Variants in ADAMTSL1 observed in about 807,000 individuals in gnomAD.
The protein encoded by ADAMTSL1 is ADAMTS like 1.
A neutral mutation model predicts 201.8 loss-of-function variants in ADAMTSL1; 126 were observed. That is an observed-to-expected ratio of 0.62 (90% CI 0.54 to 0.72). The LOEUF (loss-of-function observed/expected upper bound fraction) is 0.72. Among genes scored for constraint, ADAMTSL1 ranks in the 30% least tolerant of loss-of-function variants. ADAMTSL1 has a pLI of 0.00. For synonymous variants in ADAMTSL1, 1,121 were observed against 903.4 expected (o/e 1.24, Z -4.32); for missense variants, 2,679 against 2,277.8 (o/e 1.18, Z -3.59).
intron 2 of ADAMTSL1, among the ~76,000 whole-genome samples, chr9:18,320,577 T>C (rs1834578438): frequency 6.6e-6 from 1 of 152,222 alleles, no homozygotes; most frequent in African/African-American, 2.4e-5. Context: ...GAAGAAATTA[T>C]AAATAAGAGG....
intron 7 of ADAMTSL1, among the ~76,000 whole-genome samples, chr9:18,645,694 G>C (rs1827761259): frequency 1.3e-5 from 2 of 149,912 alleles, no homozygotes; most frequent in African/African-American, 4.9e-5. Flanking sequence ...AGATCAGATA[G>C]TTGTAGATAT....
At chr9:18,830,659 A>G (rs572339716) in intron 23 of ADAMTSL1, among the ~76,000 whole-genome samples, 24 of 151,906 alleles carry the variant, frequency 1.6e-4, no homozygotes, top group Non-Finnish European at 2.9e-4. Flanking sequence ...TGCCGGAAAA[A>G]CCTTCACACA....
At chr9:18,278,949 G>C (rs535463053) in intron 2 of ADAMTSL1, among the ~76,000 whole-genome samples, 2 of 151,822 alleles carry the variant, frequency 1.3e-5, no homozygotes, top group Non-Finnish European at 2.9e-5. Flanking sequence ...CAAGTCTGCT[G>C]TTAAAGCTCT....
intron 1 of ADAMTSL1, among the ~76,000 whole-genome samples, chr9:18,050,985 CACTTT>C (rs1821907528): frequency 6.6e-6 from 1 of 152,222 alleles, no homozygotes. Context: ...TCAGTGCAAT[CACTTT>C]ACTTAGTCCT....
Position 18,290,790 on chromosome 9 carries a change from T to TG in ADAMTSL1, c.207+126809_207+126810insG, listed in dbSNP as rs1241644414. The stretch of plus-strand genomic sequence containing the variant: ...CTGGCTTTTTTTGTGTGTTTTTTTT[T>TG]TTTTTTTTTGAGGCAGAGTCTCGCT... On this transcript the variant is annotated intron_variant, in intron 2 of 29. Coordinates refer to the ADAMTSL1 transcript ENST00000680146. Among the ~76,000 whole-genome samples the TG allele has an allele frequency of 5.3e-3, 792 of 149,100 alleles. 13 individuals carry two copies. Among genetic ancestry groups the TG allele is most frequent in the African/African-American group, 0.018 (744 of 40,490 alleles).
chr9:18,025,508 G>C (rs1172802957), intron 1 of ADAMTSL1, among the ~76,000 whole-genome samples: 1 of 151,952 alleles, frequency 6.6e-6, no homozygotes, highest in Non-Finnish European at 1.5e-5. Flanking sequence ...TTATTGAATA[G>C]AGTCCTTTCC....
chr9:18,291,317 C>T lies in ADAMTSL1; in HGVS notation c.207+127336C>T, dbSNP rs375689820. ...ATATTTATTCATGAATAAGTCAGAA[C>T]GCTTCAATAATATCAGATGGTTCCT... On this transcript the variant is annotated intron_variant, in intron 2 of 29. Coordinates refer to the ADAMTSL1 transcript ENST00000680146. Among the ~76,000 whole-genome samples, 7 of 152,078 alleles carry T rather than the reference C, an allele frequency of 4.6e-5. No individual in the cohort carries two copies. In the East Asian group the frequency reaches 7.7e-4, roughly 17 times the overall value.
intron 3 of ADAMTSL1, among the ~76,000 whole-genome samples, chr9:18,571,417 A>T (rs1009840582): frequency 1.3e-5 from 2 of 152,232 alleles, no homozygotes; most frequent in Non-Finnish European, 2.9e-5. Flanking sequence ...ATTGTATTTC[A>T]GTATAATGAA....
intron 4 of ADAMTSL1, among the ~76,000 whole-genome samples, chr9:18,597,391 T>G (rs927958637): frequency 3.3e-5 from 5 of 152,188 alleles, no homozygotes; most frequent in African/African-American, 1.2e-4. Flanking sequence ...TCAGTCATAT[T>G]TCTAATTATT....
chr9:18,651,316 A>G (rs1394467118), intron 7 of ADAMTSL1: 1 of 152,230 alleles, frequency 6.6e-6, no homozygotes, highest in Non-Finnish European at 1.5e-5. Flanking sequence ...TTTCCCAGGT[A>G]GAAGAGTCCT....
chr9:18,348,578 A>G (rs1281778997), intron 2 of ADAMTSL1, among the ~76,000 whole-genome samples: 1 of 152,238 alleles, frequency 6.6e-6, no homozygotes, highest in African/African-American at 2.4e-5. Flanking sequence ...TCTATAACTC[A>G]TAGACATGTT....
chr9:18,698,809 C>T (rs750842627), intron 13 of ADAMTSL1, among the ~76,000 whole-genome samples: 1 of 152,166 alleles, frequency 6.6e-6, no homozygotes, highest in East Asian at 1.9e-4. Context: ...GAATAGCAGA[C>T]AGTAAGGCCT....
At chr9:18,722,533 A>G (rs12554270) in intron 15 of ADAMTSL1, among the ~76,000 whole-genome samples, 6 of 152,214 alleles carry the variant, frequency 3.9e-5, no homozygotes, top group Admixed American at 1.3e-4. Flanking sequence ...GGCATTAACA[A>G]TAGTTTGCTG....
chr9:18,403,988 T>C (rs1260606947), intron 2 of ADAMTSL1, among the ~76,000 whole-genome samples: 1 of 152,162 alleles, frequency 6.6e-6, no homozygotes, highest in East Asian at 1.9e-4. Flanking sequence ...GAGTGCCCCG[T>C]GGAAGGATCA....
intron 2 of ADAMTSL1, among the ~76,000 whole-genome samples, chr9:18,364,541 C>T (rs1836683047): frequency 6.6e-6 from 1 of 152,120 alleles, no homozygotes; most frequent in Non-Finnish European, 1.5e-5. Context: ...CTGTGGAAGC[C>T]TTCATGAGGT....
chr9:18,459,378 G>C (rs1333308253), intron 2 of ADAMTSL1, among the ~76,000 whole-genome samples: 1 of 152,106 alleles, frequency 6.6e-6, no homozygotes, highest in Non-Finnish European at 1.5e-5. Flanking sequence ...CTCGATCCTA[G>C]TTTACTAGCA....
At chr9:18,022,407 T>C (rs1820517434) in intron 1 of ADAMTSL1, among the ~76,000 whole-genome samples, 1 of 152,154 alleles carries the variant, frequency 6.6e-6, no homozygotes, top group Non-Finnish European at 1.5e-5. Context: ...CCCCACACTA[T>C]CTTTGCCTCT....
At chr9:18,125,752 C>T (rs1156544966) in intron 1 of ADAMTSL1, among the ~76,000 whole-genome samples, 1 of 152,152 alleles carries the variant, frequency 6.6e-6, no homozygotes, top group Non-Finnish European at 1.5e-5. Context: ...AAGAACTTTT[C>T]TATATTGCAT....
chr9:18,317,540 A>T (rs944941059), intron 2 of ADAMTSL1, among the ~76,000 whole-genome samples: 9 of 152,182 alleles, frequency 5.9e-5, no homozygotes, highest in African/African-American at 2.2e-4. Context: ...CCTTGGATAT[A>T]TATAATTTTT....
Sources: gnomAD v4.1 joint callset for allele counts (sites outside exome capture counted in the v4.1 genomes callset) on GRCh38, gnomAD v4.1.1 for gene constraint, MANE v1.5 for transcripts, NCBI Gene and HGNC (gene_info 2026-07-23, HGNC 2026-07-21) for gene names.